EHD3: variants seen among roughly 807,000 people sequenced by gnomAD.
EHD3 encodes EH domain containing 3.
A neutral mutation model predicts 43.0 loss-of-function variants in EHD3; 17 were observed. The ratio of observed to expected loss-of-function variants is 0.40; its 90% CI spans 0.27 to 0.59. The LOEUF is 0.59. Ranked by LOEUF, EHD3 falls within the 20% of genes least tolerant of loss-of-function variation. EHD3 has a pLI of 0.49. For missense variants in EHD3, 594 were observed against 705.6 expected, an observed-to-expected ratio of 0.84 and a Z score of 1.79; for synonymous variants, 313 against 289.5, an observed-to-expected ratio of 1.08 and a Z score of -0.82.
In EHD3 at chr2:31,234,701, A is replaced by T; in HGVS notation, c.80A>T (p.Lys27Ile). 1 of 1,614,226 alleles carries T rather than the reference A, an allele frequency of 6.2e-7. No homozygotes were observed. Among genetic ancestry groups the T allele is most frequent in the Non-Finnish European group, 8.5e-7 (1 of 1,180,034 alleles). The change falls in exon 1 of 6, where the codon AAA becomes ATA. Residue 27 changes from lysine to isoleucine, a missense_variant. Physicochemically the swap from Lys to Ile is moderately radical, Grantham distance 102. Around this residue, in one of 3 missense-constraint regions of EHD3, gnomAD observed 243 missense variants for 296.7 expected, o/e 0.82. Transcript: ENST00000322054. The stretch of plus-strand genomic sequence containing the variant: ...CAGACGGTGAGTGAGGGGCTCAAGA[A>T]ACTCTACAAGAGCAAGCTGCTGCCC... ...VFQTVSEGLK[K>I]LYKSKLLPLE...
intron 1 of EHD3, among the ~76,000 whole-genome samples, chr2:31,236,750 C>T (rs1032494757): frequency 6.6e-6 from 1 of 152,342 alleles, no homozygotes. Flanking sequence ...ATCTCTGGGG[C>T]CTTGCCCAGG....
Position 31,244,446 on chromosome 2 carries a change from A to G in EHD3, c.400A>G (p.Asn134Asp). 1 of 1,613,832 alleles carries G rather than the reference A, an allele frequency of 6.2e-7. No individual in the cohort carries two copies. The highest frequency in any genetic ancestry group is 8.5e-7 in the Non-Finnish European group (1 of 1,179,920). Reference sequence around the variant, plus strand: ...CAACGCCTTTGGCAACGCCTTCTTGAACAGGTGAGTGTGGAGGGAACACAA... The same window carrying G: ...CAACGCCTTTGGCAACGCCTTCTTGGACAGGTGAGTGTGGAGGGAACACAA... The part of the protein sequence containing the change: ...KLNAFGNAFL[N>D]RFVCAQLPNP... Residue 134 changes from asparagine (N) to aspartate (D), a missense_variant, in exon 2 of 6, where the codon AAC (asparagine) becomes GAC (aspartate). By Grantham distance (23) the Asn-to-Asp change is conservative. Around this residue, in one of 3 missense-constraint regions of EHD3, gnomAD observed 243 missense variants for 296.7 expected, o/e 0.82. Coordinates refer to ENST00000322054, the MANE Select transcript of EHD3 (RefSeq NM_014600.3).
chr2:31,250,976 G>A (rs901984722), intron 3 of EHD3, among the ~76,000 whole-genome samples: 3 of 152,208 alleles, frequency 2.0e-5, no homozygotes, highest in Non-Finnish European at 4.4e-5. Context: ...CAATAGTGGG[G>A]CCCAGAAACC....
intron 1 of EHD3, among the ~76,000 whole-genome samples, chr2:31,242,725 G>T (rs564639963): frequency 6.6e-6 from 1 of 152,114 alleles, no homozygotes; most frequent in Non-Finnish European, 1.5e-5. Context: ...GGGATAGGCC[G>T]AGGCAGGTGG....
At position 31,243,638 on chromosome 2, in the gene EHD3, G is replaced by C. The variant is rs569613297; in HGVS notation, c.228-636G>C. 6.6e-5 allele frequency among the ~76,000 whole-genome samples: 10 copies of C among 151,724 alleles called. No homozygotes were observed. The East Asian group carries it at 1.9e-3, about 30-fold the overall frequency. The stretch of plus-strand genomic sequence containing the variant: ...TGCCCAGCTAATTTTTGTATTTTTA[G>C]TAGAGACAGGTTTCACCATGTTGGC... On this transcript the variant is annotated intron_variant, in intron 1 of 5. Coordinates refer to ENST00000322054, the MANE Select transcript of EHD3 (RefSeq NM_014600.3).
In EHD3 at chr2:31,234,722, T is replaced by C. The variant is rs1683290939; in HGVS notation, c.101T>C (p.Leu34Pro). Residue 34 changes from leucine to proline, a missense_variant, in exon 1 of 6, where the codon CTG becomes CCG. Leu to Pro is a moderately conservative substitution (Grantham distance 98). This residue lies in a region of EHD3 where 243 missense variants were observed against 296.7 expected (regional missense o/e 0.82). Transcript: ENST00000322054. ...AAGAAACTCTACAAGAGCAAGCTGC[T>C]GCCCTTGGAAGAGCATTACCGCTTC... ...GLKKLYKSKL[L>P]PLEEHYRFHE... is the part of the protein sequence containing the mutation. 6.2e-7 allele frequency: 1 copy of C among 1,614,220 alleles called. No individual in the cohort carries two copies.
intron 5 of EHD3, among the ~76,000 whole-genome samples, chr2:31,265,952 C>G (rs1220734139): frequency 1.3e-5 from 2 of 152,150 alleles, no homozygotes; most frequent in Non-Finnish European, 1.5e-5. Context: ...CCCTTCTACC[C>G]CCTACTGAAA....
chr2:31,266,652 A>G lies in EHD3; in HGVS notation c.1556A>G (p.Asn519Ser), dbSNP rs770467922. ...AAGCTGGAGGGGCACGAGCTGCCCA[A>G]CGAGCTGCCTGCCCACCTCCTGCCC... is the stretch of plus-strand genomic sequence containing the variant. The part of the protein sequence containing the change: ...KVKLEGHELP[N>S]ELPAHLLPPS... Residue 519 changes from asparagine to serine, a missense_variant, in exon 6 of 6, where the codon AAC becomes AGC. Asn to Ser is a conservative substitution (Grantham distance 46). Coordinates refer to ENST00000322054, the MANE Select transcript of EHD3 (RefSeq NM_014600.3). The surrounding 1 kb of genome is among the most constrained non-coding windows in gnomAD (Gnocchi z 5.1). 4.3e-6 allele frequency: 7 copies of G among 1,612,952 alleles called. No individual in the cohort carries two copies. The South Asian group carries it at 4.4e-5, about 10-fold the overall frequency.
At chr2:31,239,794 G>C (rs762358045) in intron 1 of EHD3, among the ~76,000 whole-genome samples, 1 of 152,112 alleles carries the variant, frequency 6.6e-6, no homozygotes, top group Non-Finnish European at 1.5e-5. Context: ...CACCAGCTGT[G>C]CTCCAGGCAC....
At chr2:31,261,839 G>C in intron 5 of EHD3, 126 bp downstream of exon 5, 2 of 1,181,136 alleles carry the variant, frequency 1.7e-6, no homozygotes, top group South Asian at 1.6e-5. Flanking sequence ...TGCAGGCAAG[G>C]AGGTGGCCCT....
In EHD3 at chr2:31,261,928, G is replaced by A. The variant is rs558059880; in HGVS notation, c.1080+215G>A. 2.7e-4 allele frequency among the ~76,000 whole-genome samples: 41 copies of A among 152,312 alleles called. No homozygotes were observed. In the East Asian group the frequency reaches 7.5e-3, roughly 28 times the overall value. On this transcript the variant is annotated intron_variant, in intron 5 of 5. Coordinates refer to ENST00000322054, the MANE Select transcript of EHD3 (RefSeq NM_014600.3). ...CCTGGGGAGAAACACGGAGCCCACC[G>A]CCCCAGTGGTGCAGGTGTGTTAGAT...
chr2:31,249,620 C>G (rs958814910), intron 3 of EHD3, 152 bp downstream of exon 3: 1 of 692,640 alleles, frequency 1.4e-6, no homozygotes, highest in Non-Finnish European at 2.4e-6. Context: ...TTACCTGGGG[C>G]AGTCCTAGGC....
At chr2:31,247,976 A>G (rs1351719283) in intron 2 of EHD3, among the ~76,000 whole-genome samples, 1 of 152,208 alleles carries the variant, frequency 6.6e-6, no homozygotes, top group African/African-American at 2.4e-5. Context: ...CTCCAGGAGC[A>G]CGCAGCCGCT....
Position 31,266,488 on chromosome 2 carries a change from C to T in EHD3, c.1392C>T (p.Gly464=), listed in dbSNP as rs764419322. ...TLSPVDGKIT[G]ANAKKEMVRS... is the part of the protein sequence containing the mutation. The stretch of plus-strand genomic sequence containing the variant: ...CACCGGTGGATGGCAAGATCACAGG[C>T]GCTAATGCCAAGAAGGAGATGGTGC... Residue 464 remains glycine (G), a synonymous_variant, in exon 6 of 6, where the codon GGC becomes GGT. Transcript: ENST00000322054. The surrounding 1 kb of genome is among the most constrained non-coding windows in gnomAD (Gnocchi z 5.1). The T allele has an allele frequency of 1.5e-5, 24 of 1,614,082 alleles. No individual in the cohort carries two copies. The highest frequency in any genetic ancestry group is 4.5e-5 in the East Asian group (2 of 44,856).
rs112260348 is a variant in EHD3 at position 31,259,910 on chromosome 2, G to A, written c.503-600G>A. ...GTTAATAAGAGTTACTAGGCCAGGCGCAGTGGCTGGCTGGGGGCGGTGGCT... is the reference window on the plus strand; with the variant it reads ...GTTAATAAGAGTTACTAGGCCAGGCACAGTGGCTGGCTGGGGGCGGTGGCT... On this transcript the variant is annotated intron_variant, in intron 3 of 5. Coordinates refer to ENST00000322054, the MANE Select transcript of EHD3 (RefSeq NM_014600.3). 1.7e-3 allele frequency among the ~76,000 whole-genome samples: 254 copies of A among 152,264 alleles called. 1 individual carries two copies. Among genetic ancestry groups the A allele is most frequent in the African/African-American group, 5.9e-3 (244 of 41,546 alleles).
At chr2:31,255,450 C>T (rs1463391053) in intron 3 of EHD3, among the ~76,000 whole-genome samples, 1 of 147,840 alleles carries the variant, frequency 6.8e-6, no homozygotes, top group Non-Finnish European at 1.5e-5. Context: ...ACCACAGACC[C>T]CTCATTCAGT....
chr2:31,234,621 G>T lies in EHD3; in HGVS notation c.-1G>T, dbSNP rs148795194. The T allele has an allele frequency of 5.6e-6, 9 of 1,613,508 alleles. No individual in the cohort carries two copies. The highest frequency in any genetic ancestry group is 1.1e-5 in the South Asian group (1 of 91,078). On this transcript the variant is annotated 5_prime_UTR_variant, in exon 1 of 6. Coordinates refer to ENST00000322054, the MANE Select transcript of EHD3 (RefSeq NM_014600.3). ...CGTGCCGGGGGCGAGCGGCGGCCGC[G>T]ATGTTCAGCTGGCTGGGTACGGACG...
intron 3 of EHD3, among the ~76,000 whole-genome samples, chr2:31,250,456 C>T (rs767850949): frequency 2.4e-4 from 37 of 152,094 alleles, no homozygotes; most frequent in Non-Finnish European, 4.7e-4. Context: ...TTAGTAGAGA[C>T]GGAGTTTTAC....
At chr2:31,236,411 G>T (rs925445518) in intron 1 of EHD3, among the ~76,000 whole-genome samples, 2 of 152,212 alleles carry the variant, frequency 1.3e-5, no homozygotes, top group African/African-American at 4.8e-5. Context: ...TCCCAAATTT[G>T]CATATAATGT....
Sources: gnomAD v4.1 joint callset for allele counts (sites outside exome capture counted in the v4.1 genomes callset) on GRCh38, gnomAD v4.1.1 for gene constraint, gnomAD v4.1.1 regional missense constraint, Gnocchi (gnomAD v3.1) non-coding constraint, MANE v1.5 for transcripts, NCBI Gene and HGNC (gene_info 2026-07-23, HGNC 2026-07-21) for gene names.